MYO16: variants seen among roughly 807,000 people sequenced by gnomAD.
MYO16 encodes myosin XVI.
A neutral mutation model predicts 205.3 loss-of-function variants in MYO16; 94 were observed. The observed-to-expected ratio is 0.46, with a 90% confidence interval of 0.39 to 0.54. The LOEUF (loss-of-function observed/expected upper bound fraction) is 0.54. Ranked by LOEUF, MYO16 falls within the 20% of genes least tolerant of loss-of-function variation. The pLI is 0.00. For synonymous variants in MYO16, 988 were observed against 954.0 expected, an observed-to-expected ratio of 1.04 and a Z score of -0.66; for missense variants, 2,315 against 2,387.5, an observed-to-expected ratio of 0.97 and a Z score of 0.63.
At chr13:108,690,674 T>G (rs537275009) in intron 2 of MYO16, among the ~76,000 whole-genome samples, 3 of 152,314 alleles carry the variant, frequency 2.0e-5, no homozygotes, top group Admixed American at 6.5e-5. Context: ...TCTCCAGCAC[T>G]TTTTTGGGTA....
At chr13:108,976,556 T>A (rs2139404271) in intron 20 of MYO16, among the ~76,000 whole-genome samples, 1 of 152,262 alleles carries the variant, frequency 6.6e-6, no homozygotes, top group South Asian at 2.1e-4. Flanking sequence ...AAGATGAGAA[T>A]CCCAAAATCT....
At chr13:108,544,347 T>G in the MYO16 span, among the ~76,000 whole-genome samples, 1 of 152,144 alleles carries the variant, frequency 6.6e-6, no homozygotes, top group Non-Finnish European at 1.5e-5. Context: ...CTGAGCCATA[T>G]TTTACTTTTG....
intron 2 of MYO16, among the ~76,000 whole-genome samples, chr13:108,703,651 G>A (rs1203968304): frequency 1.3e-5 from 2 of 152,020 alleles, no homozygotes; most frequent in Non-Finnish European, 2.9e-5. Flanking sequence ...CACATGCAAA[G>A]CCATAAAACA....
the MYO16 span, among the ~76,000 whole-genome samples, chr13:108,535,992 T>C: frequency 6.6e-6 from 1 of 151,876 alleles, no homozygotes; most frequent in Non-Finnish European, 1.5e-5. Context: ...CTGTGTTTTA[T>C]GTCTGTGTGT....
chr13:108,605,972 G>A (rs1306604534), intron 1 of MYO16, among the ~76,000 whole-genome samples: 2 of 152,160 alleles, frequency 1.3e-5, no homozygotes, highest in Admixed American at 1.3e-4. Context: ...TCCAGGCTGA[G>A]GTAGTCTTAG....
Position 109,164,992 on chromosome 13 carries a change from T to C in MYO16, c.5256T>C (p.His1752=), listed in dbSNP as rs193248250. The change falls in exon 33 of 35, where the codon CAT becomes CAC. Residue 1752 remains histidine (H), a synonymous_variant. Transcript: ENST00000457511. Reference sequence around the variant, plus strand: ...CTCAAGACAGAAATGCAAATAACCATGGAATTCAGTTATCTAATTCACTAT... The same window carrying C: ...CTCAAGACAGAAATGCAAATAACCACGGAATTCAGTTATCTAATTCACTAT... ...SETQDRNANN[H]GIQLSNSLSS... 7.5e-6 allele frequency: 12 copies of C among 1,606,140 alleles called. No homozygotes were observed. The highest frequency in any genetic ancestry group is 2.2e-5 in the East Asian group (1 of 44,458).
At chr13:108,573,206 A>G in the MYO16 span, among the ~76,000 whole-genome samples, 1 of 152,214 alleles carries the variant, frequency 6.6e-6, no homozygotes, top group Non-Finnish European at 1.5e-5. Context: ...TGCAGAAACC[A>G]GCAACAAGTG....
chr13:109,060,150 G>A (rs1290628178), intron 27 of MYO16, among the ~76,000 whole-genome samples: 1 of 152,096 alleles, frequency 6.6e-6, no homozygotes, highest in Non-Finnish European at 1.5e-5. Context: ...ATACTCAAAG[G>A]ATTATAAATC....
Position 109,201,663 on chromosome 13 carries a change from C to G in MYO16, c.5416-4946C>G, listed in dbSNP as rs952297827. Among the ~76,000 whole-genome samples, 7 of 151,850 alleles carry G rather than the reference C, an allele frequency of 4.6e-5. 1 individual carries two copies. Among genetic ancestry groups the G allele is most frequent in the Admixed American group, 2.0e-4 (3 of 15,224 alleles). On this transcript the variant is annotated intron_variant, in intron 34 of 34. Coordinates refer to ENST00000457511, the MANE Select transcript of MYO16 (RefSeq NM_001198950.3). ...TGGTATTTGGTTACATGAGTAAGTT[C>G]TTTAGTGGTGATTTGTGAGATTTTG... is the stretch of plus-strand genomic sequence containing the variant.
At chr13:108,649,491 G>C (rs1356230273) in intron 1 of MYO16, among the ~76,000 whole-genome samples, 1 of 152,166 alleles carries the variant, frequency 6.6e-6, no homozygotes, top group African/African-American at 2.4e-5. Flanking sequence ...ACTCTAGATG[G>C]TTAATGAAAA....
chr13:108,627,003 C>G (rs16972794), upstream of MYO16, among the ~76,000 whole-genome samples: 2,013 of 142,782 alleles, frequency 0.014, 43 homozygotes, highest in African/African-American at 0.049. Context: ...TGAAGGAGTC[C>G]TGAAATTATT....
At chr13:108,933,040 G>T (rs535473643) in intron 16 of MYO16, among the ~76,000 whole-genome samples, 1 of 152,060 alleles carries the variant, frequency 6.6e-6, no homozygotes, top group Non-Finnish European at 1.5e-5. Flanking sequence ...GGCATCAGGG[G>T]GAGCTACAAA....
At chr13:108,675,952 A>C (rs1235906428) in intron 2 of MYO16, among the ~76,000 whole-genome samples, 1 of 152,206 alleles carries the variant, frequency 6.6e-6, no homozygotes, top group Non-Finnish European at 1.5e-5. Flanking sequence ...GTGCTCGTGA[A>C]GGTTAGTTGG....
At chr13:108,865,494 A>T (rs1261017384) in intron 11 of MYO16, among the ~76,000 whole-genome samples, 1 of 151,800 alleles carries the variant, frequency 6.6e-6, no homozygotes, top group Non-Finnish European at 1.5e-5. Context: ...TATTGTTTGC[A>T]TGCATACCTT....
intron 3 of MYO16, among the ~76,000 whole-genome samples, chr13:108,723,457 G>T (rs900476743): frequency 6.6e-6 from 1 of 151,616 alleles, no homozygotes; most frequent in Non-Finnish European, 1.5e-5. Flanking sequence ...TGTAACTTTT[G>T]GTTTTACATT....
Position 109,052,397 on chromosome 13 carries a change from T to A in MYO16, c.2970T>A (p.His990Gln). ...SAYPSFKFRG[H>Q]KSALLSKKMT... ...ATCCTTCCTTTAAATTCCGAGGACA[T>A]AAGTCTGCCCTGCTCAGTAAGAAAA... Residue 990 changes from histidine to glutamine, a missense_variant, in exon 25 of 35, where the codon CAT becomes CAA. His to Gln is a conservative substitution (Grantham distance 24). Transcript: ENST00000457511. The A allele has an allele frequency of 6.2e-7, 1 of 1,612,628 alleles. No individual in the cohort carries two copies. Among genetic ancestry groups the A allele is most frequent in the African/African-American group, 1.3e-5 (1 of 74,988 alleles).
At chr13:108,806,830 A>C in intron 7 of MYO16, 26 bp downstream of exon 7, 2 of 1,425,848 alleles carry the variant, frequency 1.4e-6, no homozygotes, top group Non-Finnish European at 1.9e-6. Flanking sequence ...GAATTCTTTA[A>C]AAAATAATTT....
intron 1 of MYO16, among the ~76,000 whole-genome samples, chr13:108,631,370 G>A (rs994246987): frequency 6.6e-6 from 1 of 152,156 alleles, no homozygotes; most frequent in African/African-American, 2.4e-5. Flanking sequence ...AACACAATAT[G>A]AGTCTGCCCT....
chr13:108,531,698 A>C, the MYO16 span, among the ~76,000 whole-genome samples: 1 of 152,052 alleles, frequency 6.6e-6, no homozygotes, highest in African/African-American at 2.4e-5. Flanking sequence ...ATGCTTTACA[A>C]AGCTCACACA....
Sources: allele counts gnomAD v4.1 joint callset (sites outside exome capture counted in the v4.1 genomes callset), GRCh38; gene constraint gnomAD v4.1.1; transcripts MANE v1.5; gene names NCBI Gene and HGNC (gene_info 2026-07-23, HGNC 2026-07-21).